Variants in RNU5A-1 observed in about 807,000 individuals in gnomAD.
RNU5A-1 encodes the protein RNA, U5A small nuclear 1.
chr15:65,296,135 C>A (rs1384044928), exon 1 of RNU5A-1: 1 of 152,114 alleles, frequency 6.6e-6, no homozygotes, highest in Non-Finnish European at 1.5e-5. Flanking sequence ...GAGTCTTAAC[C>A]CAATTTTTTG....
exon 1 of RNU5A-1, chr15:65,296,148 G>A (rs1315886928): frequency 2.6e-5 from 4 of 152,148 alleles, no homozygotes; most frequent in African/African-American, 9.7e-5. Flanking sequence ...ATTTTTTGAG[G>A]CCTTGCTTTG....
exon 1 of RNU5A-1, chr15:65,296,117 A>T (rs543730563): frequency 2.0e-5 from 3 of 152,190 alleles, no homozygotes; most frequent in Non-Finnish European, 4.4e-5. Context: ...GTGGAGAGGA[A>T]CAACTCTGAG....
chr15:65,296,129 C>T lies in RNU5A-1; in HGVS notation n.79C>T, dbSNP rs899188442. 5.3e-5 allele frequency: 8 copies of T among 152,302 alleles called. No individual in the cohort carries two copies. The East Asian group carries it at 5.8e-4, about 11-fold the overall frequency. 9.4% of individuals were successfully genotyped at this position (152,302 alleles called of 1,614,324 possible). ...TCCGTGGAGAGGAACAACTCTGAGT[C>T]TTAACCCAATTTTTTGAGGCCTTGC... is the stretch of plus-strand genomic sequence containing the variant. On this transcript the variant is annotated non_coding_transcript_exon_variant, in exon 1 of 1. Transcript: ENST00000362698.
exon 1 of RNU5A-1, chr15:65,296,097 A>C (rs1567049902): frequency 6.6e-6 from 1 of 152,304 alleles, no homozygotes; most frequent in Non-Finnish European, 1.5e-5. Context: ...GCCTTTTACT[A>C]AAGATTTCCG....
exon 1 of RNU5A-1, chr15:65,296,156 T>A (rs989771452): frequency 6.6e-6 from 1 of 152,202 alleles, no homozygotes; most frequent in African/African-American, 2.4e-5. Flanking sequence ...AGGCCTTGCT[T>A]TGGCAAGGCT....
At chr15:65,296,122 T>G (rs1285808816) in exon 1 of RNU5A-1, 11 of 152,312 alleles carry the variant, frequency 7.2e-5, no homozygotes. Flanking sequence ...GAGGAACAAC[T>G]CTGAGTCTTA....
exon 1 of RNU5A-1, chr15:65,296,129 C>A (rs899188442): frequency 1.3e-5 from 2 of 152,184 alleles, no homozygotes; most frequent in African/African-American, 4.8e-5. Flanking sequence ...AACTCTGAGT[C>A]TTAACCCAAT....
exon 1 of RNU5A-1, chr15:65,296,113 A>C (rs968991801): frequency 1.3e-5 from 2 of 152,166 alleles, no homozygotes; most frequent in Non-Finnish European, 2.9e-5. Context: ...TTCCGTGGAG[A>C]GGAACAACTC....
chr15:65,296,157 T>TG (rs1378398279), exon 1 of RNU5A-1: 1 of 152,224 alleles, frequency 6.6e-6, no homozygotes, highest in African/African-American at 2.4e-5. Context: ...GGCCTTGCTT[T>TG]GGCAAGGCTA....
At chr15:65,296,137 A>T (rs1026574320) in exon 1 of RNU5A-1, 1 of 152,160 alleles carries the variant, frequency 6.6e-6, no homozygotes, top group Non-Finnish European at 1.5e-5. Flanking sequence ...GTCTTAACCC[A>T]ATTTTTTGAG....
exon 1 of RNU5A-1, chr15:65,296,069 A>C (rs1345975208): frequency 6.6e-6 from 1 of 152,244 alleles, no homozygotes; most frequent in Non-Finnish European, 1.5e-5. Flanking sequence ...GTTTCTCTTC[A>C]GATCGCATAA....
chr15:65,296,157 T>TGG (rs1378398279), exon 1 of RNU5A-1: 1 of 152,224 alleles, frequency 6.6e-6, no homozygotes, highest in Non-Finnish European at 1.5e-5. Flanking sequence ...GGCCTTGCTT[T>TGG]GGCAAGGCTA....
At chr15:65,296,095 C>T (rs948375705) in exon 1 of RNU5A-1, 1 of 152,164 alleles carries the variant, frequency 6.6e-6, no homozygotes, top group Non-Finnish European at 1.5e-5. Flanking sequence ...TCGCCTTTTA[C>T]TAAAGATTTC....
At chr15:65,296,160 C>T (rs572017826) in exon 1 of RNU5A-1, 48 of 152,272 alleles carry the variant, frequency 3.2e-4, no homozygotes, top group East Asian at 1.4e-3. Context: ...CTTGCTTTGG[C>T]AAGGCTATAT....
exon 1 of RNU5A-1, chr15:65,296,110 G>A (rs564087207): frequency 3.3e-5 from 5 of 152,262 alleles, no homozygotes; most frequent in Non-Finnish European, 5.9e-5. Flanking sequence ...GATTTCCGTG[G>A]AGAGGAACAA....
exon 1 of RNU5A-1, chr15:65,296,069 A>AC (rs2090716078): frequency 6.6e-6 from 1 of 152,244 alleles, no homozygotes; most frequent in South Asian, 2.1e-4. Flanking sequence ...GTTTCTCTTC[A>AC]GATCGCATAA....
chr15:65,296,068 C>T (rs1185479524), exon 1 of RNU5A-1: 1 of 152,204 alleles, frequency 6.6e-6, no homozygotes, highest in Non-Finnish European at 1.5e-5. Flanking sequence ...GGTTTCTCTT[C>T]AGATCGCATA....
exon 1 of RNU5A-1, chr15:65,296,100 G>A (rs541461745): frequency 7.2e-5 from 11 of 152,290 alleles, no homozygotes; most frequent in Non-Finnish European, 1.2e-4. Context: ...TTTTACTAAA[G>A]ATTTCCGTGG....
At chr15:65,296,125 G>C (rs745718735) in exon 1 of RNU5A-1, 8 of 152,164 alleles carry the variant, frequency 5.3e-5, no homozygotes, top group Non-Finnish European at 8.8e-5. Context: ...GAACAACTCT[G>C]AGTCTTAACC....
Sources: allele counts gnomAD v4.1 joint callset, GRCh38; gene constraint gnomAD v4.1.1; transcripts MANE v1.5; gene names NCBI Gene and HGNC (gene_info 2026-07-23, HGNC 2026-07-21).